FRAS1: variants seen among roughly 807,000 people sequenced by gnomAD.
FRAS1 encodes the protein extracellular matrix organizing protein FRAS1.
FRAS1 carries 290 observed loss-of-function variants against 435.2 expected under a neutral mutation model. That is an observed-to-expected ratio of 0.67 (90% CI 0.61 to 0.73). The LOEUF (loss-of-function observed/expected upper bound fraction) is 0.73, where lower values mean the gene tolerates loss of function less well. FRAS1 is among the 30% of genes least tolerant of loss of function. The pLI is 0.00. For synonymous variants in FRAS1, 1,800 were observed against 1,851.0 expected (o/e 0.97, Z 0.71); for missense variants, 4,860 against 5,001.5 (o/e 0.97, Z 0.85).
chr4:78,520,143 C>T (rs1721340783), intron 67 of FRAS1, among the ~76,000 whole-genome samples: 1 of 151,962 alleles, frequency 6.6e-6, no homozygotes, highest in South Asian at 2.1e-4. Flanking sequence ...ACCTCACCCC[C>T]ACTCAGTTTC....
chr4:78,441,180 G>T lies in FRAS1; in HGVS notation c.5548G>T (p.Ala1850Ser), dbSNP rs536203620. 1 of 1,613,132 alleles carries T rather than the reference G, an allele frequency of 6.2e-7. No individual in the cohort carries two copies. The highest frequency in any genetic ancestry group is 1.1e-5 in the South Asian group (1 of 91,040). The change falls in exon 41 of 74, where the codon GCA (alanine) becomes TCA (serine). Residue 1850 changes from alanine to serine, a missense_variant. Ala to Ser is a moderately conservative substitution (Grantham distance 99). Transcript: ENST00000512123. ...DLITVDEGGR[A>S]PLSFHHFFAT... is the part of the protein sequence containing the mutation. ...TTCTTAGGTTGATGAGGGAGGGAGA[G>T]CACCACTCTCATTTCACCATTTTTT...
intron 29 of FRAS1, among the ~76,000 whole-genome samples, chr4:78,395,411 T>G (rs368353429): frequency 1.3e-5 from 2 of 152,006 alleles, no homozygotes; most frequent in Admixed American, 6.5e-5. Flanking sequence ...CTCGATTTCT[T>G]TATTGATTTT....
In FRAS1 at chr4:78,452,361, C is replaced by T; in HGVS notation, c.6763+7C>T. 1 of 1,586,820 alleles carries T rather than the reference C, an allele frequency of 6.3e-7. No homozygotes were observed. Among genetic ancestry groups the T allele is most frequent in the Non-Finnish European group, 8.5e-7 (1 of 1,171,344 alleles). On this transcript the variant is annotated splice_region_variant and intron_variant, in intron 47 of 73. Transcript: ENST00000512123. ...GAACATGCAGCATCACCAGGTAAGTCTATCATCTCTTGATTTACTGAATCA... is the reference window on the plus strand; with the variant it reads ...GAACATGCAGCATCACCAGGTAAGTTTATCATCTCTTGATTTACTGAATCA...
chr4:78,187,070 C>G (rs1412490681), intron 2 of FRAS1, among the ~76,000 whole-genome samples: 3 of 152,178 alleles, frequency 2.0e-5, no homozygotes, highest in Admixed American at 1.3e-4. Context: ...GTGGTCAACT[C>G]TCTATACAAA....
At chr4:78,249,323 CTTTT>C (rs11308579) in intron 4 of FRAS1, among the ~76,000 whole-genome samples, 1 of 47,182 alleles carries the variant, frequency 2.1e-5, no homozygotes, top group Non-Finnish European at 3.8e-5. Context: ...GCAGTGGAGC[CTTTT>C]TTTTTTTTTT....
At chr4:78,371,887 A>T (rs780618215) in intron 23 of FRAS1, among the ~76,000 whole-genome samples, 2 of 152,178 alleles carry the variant, frequency 1.3e-5, no homozygotes, top group Non-Finnish European at 2.9e-5. Flanking sequence ...CTGTGCCCCA[A>T]CCCAACCCCT....
intron 69 of FRAS1, among the ~76,000 whole-genome samples, 185 bp from the exon 70 acceptor site, chr4:78,526,356 A>G (rs1469329654): frequency 6.6e-6 from 1 of 152,208 alleles, no homozygotes; most frequent in East Asian, 1.9e-4. Flanking sequence ...CCTCTGGATA[A>G]TACTCTGAAG....
rs1253945859 is a variant in FRAS1, at chr4:78,315,703, GTAC to G, written c.1791_1793del (p.Tyr598del). On this transcript the variant is annotated inframe_deletion, in exon 16 of 74. Transcript: ENST00000512123. Reference sequence around the variant, plus strand: ...AATGCATGTCTGAATGCCCTGGCGGGTACTATGCTGATGCCACTGGCAGGTGCA... The same window carrying G: ...AATGCATGTCTGAATGCCCTGGCGGGTATGCTGATGCCACTGGCAGGTGCA... The G allele has an allele frequency of 1.2e-6, 2 of 1,613,868 alleles. No individual in the cohort carries two copies. The highest frequency in any genetic ancestry group is 1.7e-6 in the Non-Finnish European group (2 of 1,179,890).
intron 66 of FRAS1, among the ~76,000 whole-genome samples, chr4:78,517,968 G>A (rs976940586): frequency 6.6e-6 from 1 of 152,030 alleles, no homozygotes; most frequent in African/African-American, 2.4e-5. Flanking sequence ...AACAAAAAGA[G>A]GGGCTGGGAA....
chr4:78,464,474 C>T lies in FRAS1; in HGVS notation c.6920C>T (p.Pro2307Leu). 1 of 1,614,006 alleles carries T rather than the reference C, an allele frequency of 6.2e-7. No individual in the cohort carries two copies. The highest frequency in any genetic ancestry group is 8.5e-7 in the Non-Finnish European group (1 of 1,179,886). ...VTQTFHITLH[P>L]VDDSLPVVQN... The stretch of plus-strand genomic sequence containing the variant: ...CAGACTTTCCATATCACTCTTCACC[C>T]TGTCGATGATTCGCTGCCCGTCGTA... The change falls in exon 49 of 74, where the codon CCT (proline) becomes CTT (leucine). Residue 2307 changes from proline to leucine, a missense_variant. Physicochemically the swap from Pro to Leu is moderately conservative, Grantham distance 98 (BLOSUM62 -3). Transcript: ENST00000512123.
intron 2 of FRAS1, among the ~76,000 whole-genome samples, chr4:78,194,356 C>T (rs1038665937): frequency 6.6e-6 from 1 of 152,200 alleles, no homozygotes; most frequent in Non-Finnish European, 1.5e-5. Flanking sequence ...GGCTAATATC[C>T]TGCAGAGTGT....
intron 50 of FRAS1, among the ~76,000 whole-genome samples, chr4:78,466,639 G>T (rs1719540597): frequency 6.6e-6 from 1 of 152,154 alleles, no homozygotes; most frequent in African/African-American, 2.4e-5. Flanking sequence ...TTGGTTTAAG[G>T]ATCCAAGGAG....
In FRAS1 at chr4:78,265,106, G is replaced by T. The variant is rs145807107; in HGVS notation, c.685G>T (p.Glu229Ter). ...CTGCTCTGCAGCTGGCCAAGTATACGAGGTAAGCTTTCATGCTCCCCATGT... is the reference window on the plus strand; with the variant it reads ...CTGCTCTGCAGCTGGCCAAGTATACTAGGTAAGCTTTCATGCTCCCCATGT... ...RSCSAAGQVY[E>*]HGEQWSENAC... The change falls in exon 7 of 74, where the codon GAG becomes TAG. Residue 229 changes from glutamate (E) to a stop codon, truncating the protein, a stop_gained and splice_region_variant. Coordinates refer to ENST00000512123, the MANE Select transcript of FRAS1 (RefSeq NM_025074.7). LOFTEE classifies it high-confidence loss of function. 1.2e-6 allele frequency: 2 copies of T among 1,609,446 alleles called. No homozygotes were observed. The highest frequency in any genetic ancestry group is 1.7e-6 in the Non-Finnish European group (2 of 1,176,802).
At chr4:78,127,039 T>A (rs1245490824) in intron 2 of FRAS1, among the ~76,000 whole-genome samples, 1 of 152,178 alleles carries the variant, frequency 6.6e-6, no homozygotes, top group Non-Finnish European at 1.5e-5. Flanking sequence ...AGAACTTTGA[T>A]GCTCTTGTTC....
intron 38 of FRAS1, among the ~76,000 whole-genome samples, chr4:78,436,264 T>G (rs919555313): frequency 2.6e-5 from 4 of 151,218 alleles, no homozygotes; most frequent in African/African-American, 7.3e-5. Flanking sequence ...TATGAAGAGA[T>G]AGTCGCCTTC....
At chr4:78,204,684 A>C (rs946973618) in intron 2 of FRAS1, among the ~76,000 whole-genome samples, 3 of 152,172 alleles carry the variant, frequency 2.0e-5, no homozygotes, top group Admixed American at 2.0e-4. Context: ...CACAAAGTGC[A>C]CCATATGGAG....
chr4:78,213,955 T>C (rs1723629325), intron 2 of FRAS1, among the ~76,000 whole-genome samples: 1 of 152,204 alleles, frequency 6.6e-6, no homozygotes, highest in South Asian at 2.1e-4. Flanking sequence ...CAGATAACTT[T>C]AATAGGTGGT....
chr4:78,188,251 C>T (rs1277180341), intron 2 of FRAS1, among the ~76,000 whole-genome samples: 1 of 152,118 alleles, frequency 6.6e-6, no homozygotes, highest in African/African-American at 2.4e-5. Context: ...ACCAGAGAAA[C>T]AGAACCAGTA....
At chr4:78,315,206 G>A (rs1002714901) in intron 15 of FRAS1, among the ~76,000 whole-genome samples, 1 of 152,070 alleles carries the variant, frequency 6.6e-6, no homozygotes, top group African/African-American at 2.4e-5. Flanking sequence ...AAAATATTTG[G>A]TACATACTTA....
Sources: allele counts gnomAD v4.1 joint callset (sites outside exome capture counted in the v4.1 genomes callset), GRCh38; gene constraint gnomAD v4.1.1; transcripts MANE v1.5; gene names NCBI Gene and HGNC (gene_info 2026-07-23, HGNC 2026-07-21).